CACNA1D: variants seen among roughly 807,000 people sequenced by gnomAD.
The protein encoded by CACNA1D is calcium voltage-gated channel subunit alpha1 D, also known as voltage-dependent L-type calcium channel subunit alpha-1D.
Under a neutral mutation model 257.1 loss-of-function variants are expected in CACNA1D, and 55 were observed. The ratio of observed to expected loss-of-function variants is 0.21; its 90% CI spans 0.17 to 0.27. The LOEUF is 0.27. Ranked by LOEUF, CACNA1D falls within the 10% of genes least tolerant of loss-of-function variation. The pLI, the probability that CACNA1D is intolerant of heterozygous loss-of-function variation, is 1.00. For missense variants in CACNA1D, 1,876 were observed against 2,784.0 expected, an observed-to-expected ratio of 0.67 and a Z score of 7.34; for synonymous variants, 980 against 1,014.9, an observed-to-expected ratio of 0.97 and a Z score of 0.65.
At chr3:53,549,011 G>A (rs1344638217) in intron 3 of CACNA1D, among the ~76,000 whole-genome samples, 1 of 152,160 alleles carries the variant, frequency 6.6e-6, no homozygotes, top group African/African-American at 2.4e-5. Flanking sequence ...AGTAACAGAA[G>A]AGTTAAAAAA....
intron 3 of CACNA1D, among the ~76,000 whole-genome samples, chr3:53,578,560 A>G (rs554855383): frequency 1.3e-5 from 2 of 152,204 alleles, no homozygotes; most frequent in South Asian, 4.2e-4. Flanking sequence ...AGGCACAGAG[A>G]TGGGATGGTG....
intron 3 of CACNA1D, among the ~76,000 whole-genome samples, chr3:53,620,892 G>GC (rs2093689829): frequency 6.6e-6 from 1 of 152,210 alleles, no homozygotes; most frequent in African/African-American, 2.4e-5. Flanking sequence ...AGGAAGGAGC[G>GC]TGCAGGCACT....
At chr3:53,770,575 C>A in intron 32 of CACNA1D, 23 bp downstream of exon 32, 4 of 1,611,636 alleles carry the variant, frequency 2.5e-6, no homozygotes, top group Non-Finnish European at 3.4e-6. Context: ...CCAAGGACTT[C>A]TCTCTTTGTC....
chr3:53,681,629 C>T (rs186149175), intron 8 of CACNA1D, among the ~76,000 whole-genome samples: 5 of 152,100 alleles, frequency 3.3e-5, no homozygotes, highest in Admixed American at 6.5e-5. Flanking sequence ...ATGTAGGCAC[C>T]GTGTAGGCAC....
chr3:53,496,885 A>G (rs2090374128), intron 1 of CACNA1D, among the ~76,000 whole-genome samples: 1 of 152,160 alleles, frequency 6.6e-6, no homozygotes, highest in Non-Finnish European at 1.5e-5. Context: ...CTTTGTGAAG[A>G]CATGATGTGA....
intron 3 of CACNA1D, among the ~76,000 whole-genome samples, chr3:53,572,753 C>A (rs967047999): frequency 6.6e-6 from 1 of 152,210 alleles, no homozygotes; most frequent in South Asian, 2.1e-4. Flanking sequence ...CTGCTACCAC[C>A]TCCCTGATCT....
At chr3:53,591,435 G>A (rs1259267448) in intron 3 of CACNA1D, among the ~76,000 whole-genome samples, 1 of 152,048 alleles carries the variant, frequency 6.6e-6, no homozygotes. Context: ...TGAATTTTTA[G>A]TAGAGACGGA....
intron 3 of CACNA1D, among the ~76,000 whole-genome samples, chr3:53,627,873 T>C (rs6445591): frequency 0.5 from 75,210 of 151,490 alleles, 19,072 homozygotes; most frequent in East Asian, 0.77. Flanking sequence ...ATTAGCCCAG[T>C]GTGGTGGTAG....
chr3:53,810,770 A>C lies in CACNA1D; in HGVS notation c.6193-343A>C, dbSNP rs1187907497. On this transcript the variant is annotated intron_variant, in intron 47 of 47. Coordinates refer to ENST00000350061, the MANE Select transcript of CACNA1D (RefSeq NM_001128840.3). ...GAGACTCTTGTCTCAAAAAAAAAAA[A>C]AAAAAAAAAAAAAAAACAAAAACTG... 8.5e-4 allele frequency among the ~76,000 whole-genome samples: 125 copies of C among 146,718 alleles called. 1 individual carries two copies. Among genetic ancestry groups the C allele is most frequent in the Non-Finnish European group, 1.5e-3 (99 of 67,462 alleles).
chr3:53,619,338 T>C (rs2093670972), intron 3 of CACNA1D, among the ~76,000 whole-genome samples: 1 of 152,248 alleles, frequency 6.6e-6, no homozygotes, highest in South Asian at 2.1e-4. Context: ...CCATTTTCTT[T>C]CCTTTCATTC....
chr3:53,733,946 GTGTGTGTA>G (rs1433972474), intron 19 of CACNA1D, among the ~76,000 whole-genome samples: 82 of 135,440 alleles, frequency 6.1e-4, no homozygotes, highest in Non-Finnish European at 6.8e-4. Context: ...GTGTGTGTGT[GTGTGTGTA>G]TGTATGTATG....
At chr3:53,606,488 C>A (rs1233532135) in intron 3 of CACNA1D, among the ~76,000 whole-genome samples, 1 of 152,192 alleles carries the variant, frequency 6.6e-6, no homozygotes, top group East Asian at 1.9e-4. Flanking sequence ...GCTTTGATAG[C>A]CTTGACCATG....
At chr3:53,604,045 C>T (rs2093477685) in intron 3 of CACNA1D, among the ~76,000 whole-genome samples, 1 of 152,230 alleles carries the variant, frequency 6.6e-6, no homozygotes, top group South Asian at 2.1e-4. Context: ...TGGAGCAACA[C>T]AGGCAGATTT....
intron 3 of CACNA1D, among the ~76,000 whole-genome samples, chr3:53,610,863 T>A (rs192871892): frequency 5.6e-4 from 86 of 152,374 alleles, no homozygotes; most frequent in Admixed American, 2.1e-3. Context: ...TAGATTCACA[T>A]TTCCATTTGG....
chr3:53,760,207 G>A (rs930664096), intron 29 of CACNA1D, among the ~76,000 whole-genome samples: 7 of 152,096 alleles, frequency 4.6e-5, no homozygotes, highest in East Asian at 1.9e-4. Context: ...AGTCAGTGTC[G>A]TAGCTCCCCC....
Position 53,753,479 on chromosome 3 carries a change from C to T in CACNA1D, c.3676-93C>T, listed in dbSNP as rs2095242610. On this transcript the variant is annotated intron_variant, in intron 28 of 47. Transcript: ENST00000350061. ...GAGGGTGCTGGGCTGTGGAGGATGC[C>T]CACAGGGGCACAGAGGGCTGGGAGC... is the stretch of plus-strand genomic sequence containing the variant. The T allele has an allele frequency of 4.5e-6, 4 of 880,612 alleles. No individual in the cohort carries two copies. The Admixed American group carries it at 6.9e-5, about 15-fold the overall frequency. The allele number at this position is 880,612 out of a possible 1,614,324, so 54.5% of individuals were successfully genotyped here. A position where few individuals can be genotyped will look rare whatever the true frequency, so the allele number is the denominator to read the frequency against.
intron 8 of CACNA1D, among the ~76,000 whole-genome samples, chr3:53,691,883 ATATAT>A (rs2094530699): frequency 1.9e-5 from 2 of 103,570 alleles, no homozygotes; most frequent in South Asian, 3.0e-4. Flanking sequence ...TACATATAAT[ATATAT>A]TATATATATT....
At chr3:53,699,087 G>A (rs2094597955) in intron 8 of CACNA1D, among the ~76,000 whole-genome samples, 1 of 152,162 alleles carries the variant, frequency 6.6e-6, no homozygotes, top group Admixed American at 6.6e-5. Context: ...CCTCGGACTT[G>A]AGGTGTGATT....
chr3:53,673,925 A>T lies in CACNA1D; in HGVS notation c.1220+799A>T, dbSNP rs1182733363. The T allele has an allele frequency of 1.0e-5, 8 of 765,892 alleles. No homozygotes were observed. In the Admixed American group the frequency reaches 1.4e-4, roughly 14 times the overall value. 47.4% of individuals were successfully genotyped at this position (765,892 alleles called of 1,614,324 possible). A position where few individuals can be genotyped will look rare whatever the true frequency, so the allele number is the denominator to read the frequency against. ...CTTCTCTGCATGTGTTTGGACTCTG[A>T]TGTCCTCTCAGTGTGTTGCTTTTGG... On this transcript the variant is annotated intron_variant, in intron 8 of 47. Coordinates refer to ENST00000350061, the MANE Select transcript of CACNA1D (RefSeq NM_001128840.3). The surrounding 1 kb of genome is among the most constrained non-coding windows in gnomAD (Gnocchi z 4.1).
Sources: gnomAD v4.1 joint callset for allele counts (sites outside exome capture counted in the v4.1 genomes callset) on GRCh38, gnomAD v4.1.1 for gene constraint, Gnocchi (gnomAD v3.1) non-coding constraint, MANE v1.5 for transcripts, NCBI Gene and HGNC (gene_info 2026-07-23, HGNC 2026-07-21) for gene names.